TMEM223: variants seen among roughly 807,000 people sequenced by gnomAD.
TMEM223 encodes transmembrane protein 223.
In TMEM223, 14 loss-of-function variants were observed where a neutral mutation model predicts 14.1. The ratio of observed to expected loss-of-function variants is 0.99; its 90% confidence interval spans 0.66 to 1.55. The LOEUF (loss-of-function observed/expected upper bound fraction) is 1.55, where lower values mean the gene tolerates loss of function less well. TMEM223 is among the 40% of genes most tolerant of loss of function. TMEM223 has a pLI of 0.00. For missense variants in TMEM223, 346 were observed against 269.9 expected, an observed-to-expected ratio of 1.28 and a Z score of -1.97; for synonymous variants, 145 against 120.5, an observed-to-expected ratio of 1.20 and a Z score of -1.33.
chr11:62,774,775 C>G (rs949430978), intron 1 of TMEM223: 6 of 368,612 alleles, frequency 1.6e-5, no homozygotes, highest in Non-Finnish European at 2.8e-5. Flanking sequence ...ATGGCGAAAT[C>G]TTGTTTCTAC....
At chr11:62,782,669 C>T, downstream of TMEM223, 2 of 1,609,374 alleles carry the variant, frequency 1.2e-6, no homozygotes, top group South Asian at 1.1e-5. Context: ...CATTCCCCTC[C>T]CTAACTGAAT....
downstream of TMEM223, chr11:62,787,107 TC>T: frequency 6.5e-7 from 1 of 1,548,884 alleles, no homozygotes. Flanking sequence ...CCCCGCACTT[TC>T]GTTTCATCAT....
downstream of TMEM223, chr11:62,786,496 C>CTTAG: frequency 2.5e-6 from 4 of 1,571,180 alleles, no homozygotes; most frequent in Non-Finnish European, 3.5e-6. Flanking sequence ...TTTTGCCTAT[C>CTTAG]TTAGTCCTTG....
intron 1 of TMEM223, chr11:62,778,391 G>C: frequency 1.3e-6 from 2 of 1,591,994 alleles, no homozygotes; most frequent in Non-Finnish European, 1.7e-6. Context: ...CTTAGGTTCT[G>C]AGGGTGGTGC....
At chr11:62,780,360 A>T (rs2134712116) in intron 1 of TMEM223, among the ~76,000 whole-genome samples, 1 of 151,438 alleles carries the variant, frequency 6.6e-6, no homozygotes, top group South Asian at 2.1e-4. Flanking sequence ...AAAATACAAA[A>T]ATTAGTCACG....
rs957965765 is a variant in TMEM223 at position 62,790,300 on chromosome 11, T to C, written c.*323A>G. On this transcript the variant is annotated 3_prime_UTR_variant, in exon 2 of 2. Transcript: ENST00000307366. The stretch of plus-strand genomic sequence containing the variant: ...CTAGATAGGAGGAAGGAGTGAAGGC[T>C]AAGCAGACATGGACTGAAACTTAGA... 2 of 548,672 alleles carry C rather than the reference T, an allele frequency of 3.6e-6. No individual in the cohort carries two copies. The highest frequency in any genetic ancestry group is 6.3e-6 in the Non-Finnish European group (2 of 317,550). 34.0% of individuals were successfully genotyped at this position (548,672 alleles called of 1,614,324 possible). A position where few individuals can be genotyped will look rare whatever the true frequency, so the allele number is the denominator to read the frequency against.
chr11:62,787,286 TG>T (rs777359808), downstream of TMEM223: 1 of 1,545,234 alleles, frequency 6.5e-7, no homozygotes, highest in Non-Finnish European at 8.7e-7. Context: ...TCGCTGTACT[TG>T]CCGCTCTGAG....
At chr11:62,782,835 C>G (rs527683962), downstream of TMEM223, 11 of 1,613,406 alleles carry the variant, frequency 6.8e-6, no homozygotes, top group Non-Finnish European at 9.3e-6. Flanking sequence ...GGTGAGCACC[C>G]TGGCCTTTCT....
rs200613156 is a variant in TMEM223, at chr11:62,790,711, C to T, written c.521G>A (p.Arg174Gln). Residue 174 changes from arginine (R) to glutamine (Q), a missense_variant, in exon 2 of 2, where the codon CGA becomes CAA. Arg to Gln is a conservative substitution (Grantham distance 43). Coordinates refer to ENST00000307366, the MANE Select transcript of TMEM223 (RefSeq NM_001080501.3). ...PAMLPLKVKG[R>Q]RFYFLLDKTG... ...TTTGTCCAAGAGGAAATAGAAGCGT[C>T]GGCCTTTGACTTTCAGAGGTAGCAT... The T allele has an allele frequency of 1.1e-4, 180 of 1,611,564 alleles. No homozygotes were observed. The African/African-American group carries it at 2.0e-3, about 18-fold the overall frequency.
At chr11:62,774,938 A>G (rs10750976) in intron 1 of TMEM223, among the ~76,000 whole-genome samples, 148,734 of 148,848 alleles carry the variant, frequency 1, 74,310 homozygotes, top group Non-Finnish European at 1. Flanking sequence ...GGTGGCAGGT[A>G]CCTGTAATCC....
exon 3 of TMEM223, chr11:62,772,044 C>T (rs2084152081): frequency 2.2e-6 from 1 of 455,136 alleles, no homozygotes; most frequent in Non-Finnish European, 4.4e-6. Context: ...GGGTTGAGTC[C>T]TTGCTCCCCC....
In TMEM223 at chr11:62,790,434, T is replaced by C. The variant is rs2084347170; in HGVS notation, c.*189A>G. The C allele has an allele frequency of 3.3e-6, 2 of 606,830 alleles. No individual in the cohort carries two copies. Among genetic ancestry groups the C allele is most frequent in the Non-Finnish European group, 5.6e-6 (2 of 359,110 alleles). 37.6% of individuals were successfully genotyped at this position (606,830 alleles called of 1,614,324 possible). ...GTTACTCCATTCTAAGATTGGCGTT[T>C]TTTTTTGTTTTTTTTTTTGTAAATA... On this transcript the variant is annotated 3_prime_UTR_variant, in exon 2 of 2. Transcript: ENST00000307366.
rs2084189841 is a variant in TMEM223, at chr11:62,776,574, G to A, written c.315-1909C>T. 3.5e-6 allele frequency: 4 copies of A among 1,149,950 alleles called. No homozygotes were observed. The East Asian group carries it at 8.1e-5, about 23-fold the overall frequency. 71.2% of individuals were successfully genotyped at this position (1,149,950 alleles called of 1,614,324 possible). ...GAGACATTAAGACCAAACGCTGCCGGGCATGGTGGCTCATGCCTGTAATCC... is the reference window on the plus strand; with the variant it reads ...GAGACATTAAGACCAAACGCTGCCGAGCATGGTGGCTCATGCCTGTAATCC... On this transcript the variant is annotated intron_variant, in intron 1 of 2. Transcript: ENST00000528367.
At chr11:62,774,483 C>CCATT in intron 2 of TMEM223, 1 of 432,050 alleles carries the variant, frequency 2.3e-6, no homozygotes, top group Non-Finnish European at 4.7e-6. Flanking sequence ...CACTGGTGAC[C>CCATT]CATTGATCCC....
At chr11:62,775,712 C>T (rs1201072734) in intron 1 of TMEM223, 1 of 1,522,276 alleles carries the variant, frequency 6.6e-7, no homozygotes, top group Non-Finnish European at 8.8e-7. Flanking sequence ...TGTTGGATCA[C>T]ACTCCTGGGC....
At position 62,790,912 on chromosome 11, in the gene TMEM223, G is replaced by T; in HGVS notation, c.320C>A (p.Ala107Asp). ...GAGAAGACCAGCACCGAGTACGAGGGCTCCTGCAGGCAGGGCAGAGATTGG... is the reference window on the plus strand; with the variant it reads ...GAGAAGACCAGCACCGAGTACGAGGTCTCCTGCAGGCAGGGCAGAGATTGG... Reference protein sequence around the residue: ...GLAVGCGAIGALVLGAGLLFS... With the variant: ...GLAVGCGAIGDLVLGAGLLFS... The change falls in exon 2 of 2, where the codon GCC (alanine) becomes GAC (aspartate). Residue 107 changes from alanine (A) to aspartate (D), a missense_variant. Physicochemically the swap from Ala to Asp is moderately radical, Grantham distance 126. Transcript: ENST00000307366. 1.3e-6 allele frequency: 2 copies of T among 1,569,770 alleles called. No individual in the cohort carries two copies. The highest frequency in any genetic ancestry group is 1.2e-5 in the South Asian group (1 of 86,274).
At chr11:62,781,666 A>AAAT in intron 1 of TMEM223, 1 of 448,860 alleles carries the variant, frequency 2.2e-6, no homozygotes, top group Non-Finnish European at 4.0e-6. Flanking sequence ...CGGTCTCAAA[A>AAAT]AAAAAAAAAA....
chr11:62,791,050 T>C, intron 1 of TMEM223, 135 bp from the exon 2 acceptor site: 82 of 832,478 alleles, frequency 9.9e-5, no homozygotes, highest in Non-Finnish European at 1.3e-4. Flanking sequence ...TGAGACTGAG[T>C]CTCACTCTGC....
At chr11:62,775,360 A>G (rs1030872743) in intron 1 of TMEM223, among the ~76,000 whole-genome samples, 1 of 152,180 alleles carries the variant, frequency 6.6e-6, no homozygotes, top group Non-Finnish European at 1.5e-5. Flanking sequence ...ATTAAAATTC[A>G]AGGTGAGATT....
Sources: gnomAD v4.1 joint callset for allele counts (sites outside exome capture counted in the v4.1 genomes callset) on GRCh38, gnomAD v4.1.1 for gene constraint, MANE v1.5 for transcripts, NCBI Gene and HGNC (gene_info 2026-07-23, HGNC 2026-07-21) for gene names.